The following PHACTR3 variants were observed in gnomAD, a reference collection of about 807,000 sequenced individuals.
PHACTR3 encodes the protein phosphatase and actin regulator 3, also known as protein phosphatase 1, regulatory subunit 123.
A neutral mutation model predicts 66.8 loss-of-function variants in PHACTR3; 16 were observed. The observed-to-expected ratio is 0.24, with a 90% CI of 0.16 to 0.36. PHACTR3 has a LOEUF of 0.36. Among genes scored for constraint, PHACTR3 ranks in the 10% least tolerant of loss-of-function variants. The probability of loss-of-function intolerance (pLI) is 1.00; values close to 1 mark genes in which losing one functional copy is unlikely to be tolerated. For synonymous variants in PHACTR3, 323 were observed against 292.1 expected (o/e 1.11, Z -1.08); for missense variants, 647 against 719.9 (o/e 0.90, Z 1.16).
intron 1 of PHACTR3, among the ~76,000 whole-genome samples, chr20:59,622,044 G>A (rs557776815): frequency 4.6e-5 from 7 of 152,204 alleles, no homozygotes; most frequent in East Asian, 3.9e-4. Context: ...GAGTCATTGC[G>A]TGTGTATGCC....
intron 1 of PHACTR3, among the ~76,000 whole-genome samples, chr20:59,665,129 A>G (rs192104699): frequency 7.9e-5 from 12 of 152,332 alleles, no homozygotes; most frequent in African/African-American, 2.9e-4. Context: ...TAGAATACCC[A>G]CTGTAGAAAA....
intron 1 of PHACTR3, among the ~76,000 whole-genome samples, chr20:59,686,805 T>TGATGGTGGTG (rs2036896978): frequency 1.8e-5 from 1 of 54,660 alleles, no homozygotes. Context: ...TGGTGATGAT[T>TGATGGTGGTG]GTGATGATGA....
At chr20:59,596,122 G>T (rs1444401317) in intron 1 of PHACTR3, among the ~76,000 whole-genome samples, 1 of 152,118 alleles carries the variant, frequency 6.6e-6, no homozygotes. Context: ...AAGTAGTGTT[G>T]TCTGGTTTTT....
intron 1 of PHACTR3, among the ~76,000 whole-genome samples, chr20:59,689,030 G>A (rs1421042246): frequency 6.6e-6 from 1 of 151,840 alleles, no homozygotes; most frequent in Non-Finnish European, 1.5e-5. Flanking sequence ...TGTGTGGGCC[G>A]AGGTGCCTGG....
chr20:59,622,787 C>T (rs888257035), intron 1 of PHACTR3, among the ~76,000 whole-genome samples: 77 of 151,716 alleles, frequency 5.1e-4, no homozygotes, highest in Admixed American at 9.8e-4. Context: ...CTGGGGGAGC[C>T]GGCTCTGGCC....
At chr20:59,671,124 C>T (rs1397851194) in intron 1 of PHACTR3, among the ~76,000 whole-genome samples, 2 of 151,950 alleles carry the variant, frequency 1.3e-5, no homozygotes, top group Non-Finnish European at 2.9e-5. Context: ...TTTTTTTCTT[C>T]ATTTAGCATC....
intron 7 of PHACTR3, among the ~76,000 whole-genome samples, chr20:59,802,481 A>C (rs909026648): frequency 1.3e-5 from 2 of 152,222 alleles, no homozygotes; most frequent in African/African-American, 2.4e-5. Flanking sequence ...GATGGTGTCC[A>C]TGCTTCTGTG....
At chr20:59,692,281 G>T (rs556791036) in intron 1 of PHACTR3, among the ~76,000 whole-genome samples, 1 of 152,352 alleles carries the variant, frequency 6.6e-6, no homozygotes, top group Admixed American at 6.5e-5. Context: ...GCCTAGAATG[G>T]TAATAAATAG....
intron 7 of PHACTR3, among the ~76,000 whole-genome samples, chr20:59,776,391 C>T (rs151138148): frequency 6.6e-5 from 10 of 152,302 alleles, no homozygotes; most frequent in South Asian, 2.1e-4. Context: ...GCCAGCTTTC[C>T]GCTCTGTGCT....
rs552486347 is a variant in PHACTR3, at chr20:59,643,060, C to T, written c.118+37928C>T. 1.2e-3 allele frequency among the ~76,000 whole-genome samples: 177 copies of T among 152,162 alleles called. 1 individual carries two copies. The highest frequency in any genetic ancestry group is 3.2e-3 in the African/African-American group (134 of 41,512). ...CTGAGTAGCTGGGACTACAGGTGCC[C>T]GCCACCATGCCCAGCTAATTTTTTG... On this transcript the variant is annotated intron_variant, in intron 1 of 12. Coordinates refer to ENST00000371015, the MANE Select transcript of PHACTR3 (RefSeq NM_080672.5).
intron 8 of PHACTR3, among the ~76,000 whole-genome samples, chr20:59,807,866 C>T (rs138977452): frequency 2.8e-4 from 42 of 152,318 alleles, no homozygotes; most frequent in South Asian, 8.3e-4. Context: ...TATCCACATA[C>T]GCATCATTTT....
chr20:59,845,483 G>A (rs578157880), intron 12 of PHACTR3, among the ~76,000 whole-genome samples: 2 of 152,098 alleles, frequency 1.3e-5, no homozygotes, highest in Non-Finnish European at 2.9e-5. Context: ...TAACAATATC[G>A]GTTTATTTAA....
intron 1 of PHACTR3, among the ~76,000 whole-genome samples, chr20:59,705,418 G>A (rs974422792): frequency 1.3e-5 from 2 of 152,106 alleles, no homozygotes; most frequent in Non-Finnish European, 2.9e-5. Flanking sequence ...ACTATCTGGT[G>A]ATTTTGCTAA....
intron 1 of PHACTR3, among the ~76,000 whole-genome samples, chr20:59,641,858 C>G (rs2035112957): frequency 6.6e-6 from 1 of 152,194 alleles, no homozygotes; most frequent in African/African-American, 2.4e-5. Flanking sequence ...ATAAATTATG[C>G]AGCAATGATA....
At chr20:59,725,345 CGTGAGCTCA>C (rs1410735616) in intron 1 of PHACTR3, among the ~76,000 whole-genome samples, 2 of 151,528 alleles carry the variant, frequency 1.3e-5, no homozygotes, top group Non-Finnish European at 2.9e-5. Context: ...CCAGGTGTGC[CGTGAGCTCA>C]GTGAGTCCAG....
chr20:59,802,738 G>GC (rs2041452439), intron 7 of PHACTR3, among the ~76,000 whole-genome samples: 1 of 152,214 alleles, frequency 6.6e-6, no homozygotes, highest in South Asian at 2.1e-4. Context: ...TTCCTCCTAA[G>GC]CCCTGTCAGT....
rs150803686 is a variant in PHACTR3 at position 59,659,256 on chromosome 20, G to C, written c.118+54124G>C. ...TGTTCTTGCTTCTTCAGGCATCATA[G>C]TTTATACTACATGTCAGGCATTCTG... On this transcript the variant is annotated intron_variant, in intron 1 of 12. Transcript: ENST00000371015. 9.1e-3 allele frequency among the ~76,000 whole-genome samples: 1,365 copies of C among 150,202 alleles called. 27 individuals carry two copies. The highest frequency in any genetic ancestry group is 0.031 in the African/African-American group (1,284 of 40,954).
At chr20:59,712,458 T>C (rs2037943437) in intron 1 of PHACTR3, among the ~76,000 whole-genome samples, 1 of 152,188 alleles carries the variant, frequency 6.6e-6, no homozygotes, top group Admixed American at 6.5e-5. Flanking sequence ...TAGATACTCT[T>C]CCTTGTCATT....
chr20:59,586,545 G>C (rs1033285338), intron 1 of PHACTR3, among the ~76,000 whole-genome samples: 1 of 151,658 alleles, frequency 6.6e-6, no homozygotes, highest in Non-Finnish European at 1.5e-5. Flanking sequence ...TTACTGTTTG[G>C]TTAAACATTG....
Sources: allele counts gnomAD v4.1 joint callset (sites outside exome capture counted in the v4.1 genomes callset), GRCh38; gene constraint gnomAD v4.1.1; transcripts MANE v1.5; gene names NCBI Gene and HGNC (gene_info 2026-07-23, HGNC 2026-07-21).